RNF216: variants seen among roughly 807,000 people sequenced by gnomAD.
The protein encoded by RNF216 is ring finger protein 216, also known as E3 ubiquitin-protein ligase RNF216.
RNF216 carries 72 observed loss-of-function variants against 110.8 expected under a neutral mutation model. That is an observed-to-expected ratio of 0.65 (90% confidence interval 0.54 to 0.79). The LOEUF is 0.79. Ranked by LOEUF, RNF216 falls within the 30% of genes least tolerant of loss-of-function variation. The probability of loss-of-function intolerance (pLI) is 0.00; values close to 1 mark genes in which losing one functional copy is unlikely to be tolerated. For missense variants in RNF216, 1,342 were observed against 1,141.2 expected (o/e 1.18, Z -2.54); for synonymous variants, 495 against 407.5 (o/e 1.21, Z -2.59).
At chr7:5,629,800 C>A (rs1325472430) in intron 15 of RNF216, among the ~76,000 whole-genome samples, 1 of 126,150 alleles carries the variant, frequency 7.9e-6, no homozygotes, top group Non-Finnish European at 1.6e-5. Context: ...GCACTCCAGC[C>A]TGGGCAACAG....
chr7:5,648,350 G>A (rs1367520047), intron 14 of RNF216, among the ~76,000 whole-genome samples: 5 of 151,282 alleles, frequency 3.3e-5, no homozygotes, highest in Non-Finnish European at 7.4e-5. Context: ...CAGGTGATCC[G>A]CCTGCCTCAG....
At chr7:5,697,148 GCTCGTGTCATT>G (rs1320236346) in intron 13 of RNF216, among the ~76,000 whole-genome samples, 1 of 152,106 alleles carries the variant, frequency 6.6e-6, no homozygotes, top group African/African-American at 2.4e-5. Flanking sequence ...ACCCAGCTTT[GCTCGTGTCATT>G]CTCTGGGCCT....
At chr7:5,627,744 TAAAA>T (rs1230237652) in intron 15 of RNF216, among the ~76,000 whole-genome samples, 1 of 131,384 alleles carries the variant, frequency 7.6e-6, no homozygotes, top group African/African-American at 3.0e-5. Context: ...AGACTCTGTC[TAAAA>T]AAAAAAAAAA....
chr7:5,635,940 T>TA (rs1787371464), intron 15 of RNF216, among the ~76,000 whole-genome samples: 1 of 152,220 alleles, frequency 6.6e-6, no homozygotes, highest in Admixed American at 6.5e-5. Context: ...TTCAAACTCT[T>TA]ACATTCAAAA....
intron 3 of RNF216, among the ~76,000 whole-genome samples, chr7:5,750,660 C>T (rs1233934480): frequency 1.3e-5 from 2 of 152,172 alleles, no homozygotes; most frequent in Non-Finnish European, 2.9e-5. Flanking sequence ...ACACAGAGTT[C>T]ACTAGGATGG....
Position 5,624,675 on chromosome 7 carries a change from C to G in RNF216, c.2383-550G>C, listed in dbSNP as rs1786598569. ...GAAGGTGCGACAGTGAGGATGGTCC[C>G]CCTCGGACCTTGCCGTCTCTTCTCC... On this transcript the variant is annotated intron_variant, in intron 15 of 16. Transcript: ENST00000389902. This position sits in a 1 kb window ranked among gnomAD's most constrained non-coding sequence, Gnocchi z 4.4. Among the ~76,000 whole-genome samples, 1 of 152,238 alleles carries G rather than the reference C, an allele frequency of 6.6e-6. No individual in the cohort carries two copies. Among genetic ancestry groups the G allele is most frequent in the Non-Finnish European group, 1.5e-5 (1 of 68,034 alleles).
intron 13 of RNF216, among the ~76,000 whole-genome samples, chr7:5,668,960 T>C (rs1376659384): frequency 1.3e-5 from 2 of 152,214 alleles, no homozygotes; most frequent in South Asian, 2.1e-4. Flanking sequence ...AGGGCTCTTA[T>C]CCAGCCGAAA....
At chr7:5,714,988 A>G (rs1331209122) in intron 11 of RNF216, 65 bp downstream of exon 11, 2 of 1,471,764 alleles carry the variant, frequency 1.4e-6, no homozygotes, top group Non-Finnish European at 1.8e-6. Context: ...CTTATCTATC[A>G]ACATGGTCTC....
chr7:5,625,837 T>C (rs992519146), intron 15 of RNF216, among the ~76,000 whole-genome samples: 1 of 152,104 alleles, frequency 6.6e-6, no homozygotes, highest in Non-Finnish European at 1.5e-5. Flanking sequence ...TGGTTCTATC[T>C]GCAACAGTGG....
chr7:5,624,088 T>A lies in RNF216; in HGVS notation c.2420A>T (p.Glu807Val), dbSNP rs1275630689. Residue 807 changes from glutamate to valine, a missense_variant, in exon 16 of 17, where the codon GAG becomes GTG. Glu to Val is a moderately radical substitution (Grantham distance 121). Transcript: ENST00000389902. The surrounding 1 kb of genome is among the most constrained non-coding windows in gnomAD (Gnocchi z 4.4). Reference sequence around the variant, plus strand: ...CTTTCTTTTCTGTTCCTCTTCAGCCTCCTTCTGGATTTCCTCAATAAGCTT... The same window carrying A: ...CTTTCTTTTCTGTTCCTCTTCAGCCACCTTCTGGATTTCCTCAATAAGCTT... ...DEKLIEEIQK[E>V]AEEEQKRKNG... The A allele has an allele frequency of 6.2e-7, 1 of 1,613,880 alleles. No individual in the cohort carries two copies. The highest frequency in any genetic ancestry group is 8.5e-7 in the Non-Finnish European group (1 of 1,179,988).
intron 4 of RNF216, among the ~76,000 whole-genome samples, 178 bp downstream of exon 4, chr7:5,740,795 C>T (rs988459874): frequency 1.3e-5 from 2 of 151,920 alleles, no homozygotes; most frequent in Admixed American, 1.3e-4. Flanking sequence ...AGTAAAGGAA[C>T]CCTGATTCCA....
chr7:5,690,950 G>A (rs923684074), intron 13 of RNF216, among the ~76,000 whole-genome samples: 40 of 152,204 alleles, frequency 2.6e-4, no homozygotes, highest in African/African-American at 9.4e-4. Context: ...CTTGGACCCT[G>A]TGGTTCAGGG....
intron 4 of RNF216, among the ~76,000 whole-genome samples, chr7:5,740,104 CTTTTTTTTTTTTTTTTTTTTTTT>C (rs71004698): frequency 0.012 from 1,374 of 118,450 alleles, 37 homozygotes; most frequent in African/African-American, 0.037. Context: ...GATGTAACAC[CTTTTTTTTTTTTTTTTTTTTTTT>C]TTTTTTTTTT....
chr7:5,674,467 T>TAA (rs532178772), intron 13 of RNF216, among the ~76,000 whole-genome samples: 25 of 139,928 alleles, frequency 1.8e-4, no homozygotes, highest in Non-Finnish European at 2.3e-4. Context: ...CTACATCTCT[T>TAA]AAAAAAAAAA....
chr7:5,704,424 T>C (rs1257262793), intron 13 of RNF216, among the ~76,000 whole-genome samples: 1 of 152,208 alleles, frequency 6.6e-6, no homozygotes, highest in African/African-American at 2.4e-5. Context: ...TTTAGCCATC[T>C]TGCTACAAAG....
At chr7:5,720,927 G>A in intron 9 of RNF216, 106 bp downstream of exon 9, 1 of 1,120,742 alleles carries the variant, frequency 8.9e-7, no homozygotes, top group Non-Finnish European at 1.3e-6. Flanking sequence ...AAATTTAACA[G>A]TCTGAAGAAA....
At chr7:5,720,750 T>C (rs775297714) in intron 9 of RNF216, among the ~76,000 whole-genome samples, 1 of 152,128 alleles carries the variant, frequency 6.6e-6, no homozygotes, top group African/African-American at 2.4e-5. Flanking sequence ...TGATACTATA[T>C]TTAGAAAAAT....
At chr7:5,687,407 A>AAAG (rs1010767757) in intron 13 of RNF216, among the ~76,000 whole-genome samples, 2 of 151,364 alleles carry the variant, frequency 1.3e-5, no homozygotes, top group African/African-American at 2.4e-5. Context: ...AAAAAAAAAA[A>AAAG]AAAAAAAGAA....
In RNF216 at chr7:5,741,034, A is replaced by T; in HGVS notation, c.983T>A (p.Ile328Asn). 6.2e-7 allele frequency: 1 copy of T among 1,613,960 alleles called. No homozygotes were observed. Among genetic ancestry groups the T allele is most frequent in the Non-Finnish European group, 8.5e-7 (1 of 1,179,972 alleles). ...TACCTCTGCAGCTTCTTGCCCCCAA[A>T]TGTTTTCCAAATTGGGCTCTTGAGA... ...QESQEPNLEN[I>N]WGQEAAEVDQ... The change falls in exon 4 of 17, where the codon ATT becomes AAT. Residue 328 changes from isoleucine (I) to asparagine (N), a missense_variant. Transcript: ENST00000389902.
Sources: gnomAD v4.1 joint callset for allele counts (sites outside exome capture counted in the v4.1 genomes callset) on GRCh38, gnomAD v4.1.1 for gene constraint, Gnocchi (gnomAD v3.1) non-coding constraint, MANE v1.5 for transcripts, NCBI Gene and HGNC (gene_info 2026-07-23, HGNC 2026-07-21) for gene names.